Variants in FNDC3B observed in about 807,000 individuals in gnomAD.
FNDC3B encodes the protein fibronectin type III domain-containing protein 3B.
A neutral mutation model predicts 151.5 loss-of-function variants in FNDC3B; 12 were observed. That is an observed-to-expected ratio of 0.08 (90% CI 0.05 to 0.13). The LOEUF (loss-of-function observed/expected upper bound fraction) is 0.13, where lower values mean the gene tolerates loss of function less well. FNDC3B is among the 10% of genes least tolerant of loss of function. The pLI, the probability that FNDC3B is intolerant of heterozygous loss-of-function variation, is 1.00. For synonymous variants in FNDC3B, 528 were observed against 549.0 expected (o/e 0.96, Z 0.54); for missense variants, 1,214 against 1,505.3 (o/e 0.81, Z 3.20).
intron 3 of FNDC3B, among the ~76,000 whole-genome samples, chr3:172,205,378 A>G (rs1725369935): frequency 6.6e-6 from 1 of 152,216 alleles, no homozygotes; most frequent in Non-Finnish European, 1.5e-5. Flanking sequence ...TGGGAAGCCA[A>G]CCATGTGCCA....
intron 1 of FNDC3B, among the ~76,000 whole-genome samples, chr3:172,085,224 G>A (rs528885254): frequency 4.5e-4 from 68 of 152,214 alleles, no homozygotes; most frequent in African/African-American, 1.6e-3. Context: ...ATTTTTTTGC[G>A]TTTGGTTTTG....
intron 1 of FNDC3B, among the ~76,000 whole-genome samples, chr3:172,050,389 C>T (rs977037628): frequency 2.1e-5 from 3 of 145,940 alleles, no homozygotes; most frequent in South Asian, 2.2e-4. Context: ...GGTATATTTT[C>T]TTTTTTTTTT....
intron 3 of FNDC3B, among the ~76,000 whole-genome samples, chr3:172,170,845 T>C (rs776785088): frequency 5.9e-5 from 9 of 152,232 alleles, no homozygotes; most frequent in Non-Finnish European, 1.3e-4. Flanking sequence ...AGTTTTGAGT[T>C]GAAACCAAGA....
At chr3:172,070,507 A>G in intron 1 of FNDC3B, among the ~76,000 whole-genome samples, 1 of 152,186 alleles carries the variant, frequency 6.6e-6, no homozygotes, top group East Asian at 1.9e-4. Context: ...GTTTGGGATA[A>G]TCGTAAATCC....
intron 8 of FNDC3B, among the ~76,000 whole-genome samples, chr3:172,296,058 A>C (rs8180024): frequency 0.29 from 44,512 of 152,140 alleles, 6,638 homozygotes; most frequent in Admixed American, 0.35. Flanking sequence ...GTGGACTCCC[A>C]GGTATTGACC....
intron 23 of FNDC3B, among the ~76,000 whole-genome samples, chr3:172,365,951 G>A (rs1734603684): frequency 6.6e-6 from 1 of 152,140 alleles, no homozygotes. Context: ...TAAACTAGAA[G>A]ACGATCTCTG....
chr3:172,383,150 A>C (rs895743900), intron 25 of FNDC3B, among the ~76,000 whole-genome samples: 1 of 152,180 alleles, frequency 6.6e-6, no homozygotes, highest in East Asian at 1.9e-4. Context: ...TTTCTTGAGC[A>C]GTGGTTTGTA....
At chr3:172,202,143 G>A (rs1725187116) in intron 3 of FNDC3B, among the ~76,000 whole-genome samples, 1 of 152,128 alleles carries the variant, frequency 6.6e-6, no homozygotes, top group African/African-American at 2.4e-5. Flanking sequence ...GAGTTGAGTC[G>A]GCCATCATGA....
chr3:172,240,836 C>A (rs1188383667), intron 4 of FNDC3B, among the ~76,000 whole-genome samples: 2 of 152,112 alleles, frequency 1.3e-5, no homozygotes, highest in Non-Finnish European at 2.9e-5. Flanking sequence ...TATCCCCAGG[C>A]TGTTTCATTT....
At chr3:172,371,192 G>A (rs1350541707) in intron 23 of FNDC3B, among the ~76,000 whole-genome samples, 1 of 150,730 alleles carries the variant, frequency 6.6e-6, no homozygotes, top group Admixed American at 6.6e-5. Flanking sequence ...TATAACCTAC[G>A]CACATCCTCC....
At chr3:172,327,695 C>A (rs9820427) in intron 11 of FNDC3B, among the ~76,000 whole-genome samples, 2 of 152,210 alleles carry the variant, frequency 1.3e-5, no homozygotes. Flanking sequence ...TGAGCCACCG[C>A]GCCCGGCCAG....
At position 172,343,355 on chromosome 3, in the gene FNDC3B, GT is replaced by G. The variant is rs1733436330; in HGVS notation, c.2077+242del. ...TCTTCCTGATGGTGCCACACACATG[GT>G]TTATCCCCCGCACTTCAGGGGACAC... On this transcript the variant is annotated intron_variant, in intron 18 of 25. Transcript: ENST00000415807. 2.6e-5 allele frequency among the ~76,000 whole-genome samples: 4 copies of G among 152,186 alleles called. No homozygotes were observed. The South Asian group carries it at 6.2e-4, about 24-fold the overall frequency.
Position 172,333,103 on chromosome 3 carries a change from C to T in FNDC3B, c.1569C>T (p.His523=). 2 of 1,612,146 alleles carry T rather than the reference C, an allele frequency of 1.2e-6. No homozygotes were observed. The highest frequency in any genetic ancestry group is 2.2e-5 in the East Asian group (1 of 44,864). The part of the protein sequence containing the change: ...IQEDENDNLF[H]PKYTGEDLTC... ...TGCCTTTTCAGGATAACCTTTTCCA[C>T]CCAAAATACACTGGAGAGGATTTAA... The change falls in exon 14 of 26, where the codon CAC becomes CAT. Residue 523 remains histidine, a synonymous_variant. Transcript: ENST00000415807.
intron 25 of FNDC3B, among the ~76,000 whole-genome samples, chr3:172,384,787 T>A (rs1735622980): frequency 1.3e-5 from 2 of 152,258 alleles, no homozygotes; most frequent in Admixed American, 6.5e-5. Context: ...TTGAATGTTG[T>A]CTGTTTAATG....
rs139673950 is a variant in FNDC3B at position 172,062,575 on chromosome 3, C to T, written c.-29+22804C>T. 3.7e-3 allele frequency among the ~76,000 whole-genome samples: 559 copies of T among 152,220 alleles called. 10 individuals are homozygous for T. The highest frequency in any genetic ancestry group is 0.032 in the Admixed American group (489 of 15,284). On this transcript the variant is annotated intron_variant, in intron 1 of 25. Transcript: ENST00000415807. Reference sequence around the variant, plus strand: ...CTGCGATTACAGGCGTGAGCCACCGCGCCTGGCCACTTTTCTCCTTCTTGA... The same window carrying T: ...CTGCGATTACAGGCGTGAGCCACCGTGCCTGGCCACTTTTCTCCTTCTTGA...
intron 1 of FNDC3B, among the ~76,000 whole-genome samples, chr3:172,106,226 C>T (rs1719638191): frequency 6.6e-6 from 1 of 152,076 alleles, no homozygotes; most frequent in Admixed American, 6.5e-5. Context: ...ACTCAAACTC[C>T]CTGGGCTGAA....
intron 6 of FNDC3B, among the ~76,000 whole-genome samples, chr3:172,281,349 G>C (rs574976228): frequency 6.9e-4 from 105 of 152,106 alleles, no homozygotes; most frequent in Non-Finnish European, 1.4e-3. Flanking sequence ...GGGTTCAAGC[G>C]ATCTCCTGCC....
chr3:172,058,341 C>A (rs891561380), intron 1 of FNDC3B, among the ~76,000 whole-genome samples: 3 of 152,068 alleles, frequency 2.0e-5, no homozygotes, highest in Non-Finnish European at 4.4e-5. Flanking sequence ...AAAATGTGAA[C>A]CTGTCTTTGT....
chr3:172,053,430 A>G (rs1458860689), intron 1 of FNDC3B, among the ~76,000 whole-genome samples: 1 of 152,190 alleles, frequency 6.6e-6, no homozygotes, highest in East Asian at 1.9e-4. Context: ...CTAAGGCTAA[A>G]TATTAGCTGA....
Sources: allele counts gnomAD v4.1 joint callset (sites outside exome capture counted in the v4.1 genomes callset), GRCh38; gene constraint gnomAD v4.1.1; transcripts MANE v1.5; gene names NCBI Gene and HGNC (gene_info 2026-07-23, HGNC 2026-07-21).